Variants in SMPDL3B observed in about 807,000 individuals in gnomAD.
SMPDL3B encodes the protein sphingomyelin phosphodiesterase acid like 3B.
Under a neutral mutation model 37.9 loss-of-function variants are expected in SMPDL3B, and 31 were observed. That is an observed-to-expected ratio of 0.82 (90% CI 0.61 to 1.10). The LOEUF is 1.10. SMPDL3B is among the 50% of genes least tolerant of loss of function. The pLI, the probability that SMPDL3B is intolerant of heterozygous loss-of-function variation, is 0.00. For synonymous variants in SMPDL3B, 235 were observed against 242.6 expected (o/e 0.97, Z 0.29); for missense variants, 525 against 597.8 (o/e 0.88, Z 1.27).
intron 2 of SMPDL3B, among the ~76,000 whole-genome samples, chr1:27,946,697 C>T (rs116449059): frequency 1.3e-5 from 2 of 152,260 alleles, no homozygotes; most frequent in South Asian, 2.1e-4. Flanking sequence ...TCTGACTTTG[C>T]GCTCCCTCTA....
At chr1:27,948,237 G>T (rs1374948608) in intron 2 of SMPDL3B, among the ~76,000 whole-genome samples, 1 of 152,128 alleles carries the variant, frequency 6.6e-6, no homozygotes. Context: ...ACTAATAATA[G>T]AATTTACATT....
In SMPDL3B at chr1:27,945,376, C is replaced by A. The variant is rs2090398182; in HGVS notation, c.206C>A (p.Ala69Asp). The A allele has an allele frequency of 6.2e-7, 1 of 1,614,152 alleles. No homozygotes were observed. Among genetic ancestry groups the A allele is most frequent in the Non-Finnish European group, 8.5e-7 (1 of 1,180,012 alleles). Residue 69 changes from alanine to aspartate, a missense_variant, in exon 2 of 8, where the codon GCC (alanine) becomes GAC (aspartate). Physicochemically the swap from Ala to Asp is moderately radical, Grantham distance 126. Coordinates refer to ENST00000373894, the MANE Select transcript of SMPDL3B (RefSeq NM_014474.4). The surrounding 1 kb of genome is among the most constrained non-coding windows in gnomAD (Gnocchi z 4.0). ...GACTACCTCTGTGATTCTCCCTGGG[C>A]CCTCATCAACTCCTCCATCTATGCC... ...WGDYLCDSPW[A>D]LINSSIYAMK...
At position 27,958,356 on chromosome 1, in the gene SMPDL3B, C is replaced by G. The variant is rs1638356498; in HGVS notation, c.1006-120C>G. 1 of 1,343,844 alleles carries G rather than the reference C, an allele frequency of 7.4e-7. No homozygotes were observed. Among genetic ancestry groups the G allele is most frequent in the Non-Finnish European group, 1.0e-6 (1 of 987,236 alleles). 83.2% of individuals were successfully genotyped at this position (1,343,844 alleles called of 1,614,324 possible). ...CACAATGGGTGCACAGCTAAGTGCTCAATAACTACTAGTGGTCATGGTCAC... is the reference window on the plus strand; with the variant it reads ...CACAATGGGTGCACAGCTAAGTGCTGAATAACTACTAGTGGTCATGGTCAC... On this transcript the variant is annotated intron_variant, in intron 7 of 7. Coordinates refer to ENST00000373894, the MANE Select transcript of SMPDL3B (RefSeq NM_014474.4). The surrounding 1 kb of genome is among the most constrained non-coding windows in gnomAD (Gnocchi z 5.6).
intron 2 of SMPDL3B, among the ~76,000 whole-genome samples, chr1:27,946,667 C>T (rs1395540588): frequency 3.3e-5 from 5 of 152,136 alleles, no homozygotes; most frequent in African/African-American, 4.8e-5. Context: ...GGGGAGCTCT[C>T]GAGGAAGGCT....
Position 27,958,069 on chromosome 1 carries a change from C to G in SMPDL3B, c.1006-407C>G, listed in dbSNP as rs953652925. Reference sequence around the variant, plus strand: ...CCTAGGAGTCTACAGTTCATAATCTCTCTCATGCTTAGTGTTGCTCTTTTT... The same window carrying G: ...CCTAGGAGTCTACAGTTCATAATCTGTCTCATGCTTAGTGTTGCTCTTTTT... On this transcript the variant is annotated intron_variant, in intron 7 of 7. Transcript: ENST00000373894. This position sits in a 1 kb window ranked among gnomAD's most constrained non-coding sequence, Gnocchi z 5.6. 6.6e-6 allele frequency among the ~76,000 whole-genome samples: 1 copy of G among 152,176 alleles called. No homozygotes were observed. Among genetic ancestry groups the G allele is most frequent in the Non-Finnish European group, 1.5e-5 (1 of 68,032 alleles).
At chr1:27,946,886 G>A (rs1265377446) in intron 2 of SMPDL3B, among the ~76,000 whole-genome samples, 4 of 152,204 alleles carry the variant, frequency 2.6e-5, no homozygotes, top group Admixed American at 6.5e-5. Flanking sequence ...CTTGGGCTCA[G>A]GAATCAATCT....
chr1:27,946,534 G>A (rs1162329896), intron 2 of SMPDL3B, among the ~76,000 whole-genome samples: 2 of 152,092 alleles, frequency 1.3e-5, no homozygotes, highest in African/African-American at 4.8e-5. Flanking sequence ...CAAACCCATT[G>A]ACCCTACCCT....
rs1385955171 is a variant in SMPDL3B, at chr1:27,945,282, T to G, written c.112T>G (p.Ser38Ala). The change falls in exon 2 of 8, where the codon TCC becomes GCC. Residue 38 changes from serine (S) to alanine (A), a missense_variant. By Grantham distance (99) the Ser-to-Ala change is moderately conservative. Transcript: ENST00000373894. This position sits in a 1 kb window ranked among gnomAD's most constrained non-coding sequence, Gnocchi z 4.0. ...DLHLDPDYKV[S>A]KDPFQVCPSA... ...GCACCTTGACCCTGACTACAAGGTA[T>G]CCAAAGACCCCTTCCAGGTGTGCCC... The G allele has an allele frequency of 2.5e-6, 4 of 1,614,036 alleles. No homozygotes were observed. The highest frequency in any genetic ancestry group is 3.4e-6 in the Non-Finnish European group (4 of 1,180,024).
chr1:27,951,785 G>T (rs779254392), intron 3 of SMPDL3B, among the ~76,000 whole-genome samples: 11 of 152,180 alleles, frequency 7.2e-5, no homozygotes, highest in Non-Finnish European at 1.5e-4. Context: ...GGAATTTGAG[G>T]TTACAATGAG....
In SMPDL3B at chr1:27,958,687, A is replaced by G; in HGVS notation, c.1217A>G (p.Asp406Gly). The change falls in exon 8 of 8, where the codon GAC becomes GGC. Residue 406 changes from aspartate (D) to glycine (G), a missense_variant. Physicochemically the swap from Asp to Gly is moderately conservative, Grantham distance 94. Transcript: ENST00000373894. This position sits in a 1 kb window ranked among gnomAD's most constrained non-coding sequence, Gnocchi z 5.6. ...NSVSYSAGVC[D>G]EACSMQHVCA... Reference sequence around the variant, plus strand: ...GTCAGCTACTCTGCTGGGGTCTGCGACGAGGCCTGCAGCATGCAGCACGTG... The same window carrying G: ...GTCAGCTACTCTGCTGGGGTCTGCGGCGAGGCCTGCAGCATGCAGCACGTG... The G allele has an allele frequency of 6.2e-7, 1 of 1,613,944 alleles. No homozygotes were observed. Among genetic ancestry groups the G allele is most frequent in the Non-Finnish European group, 8.5e-7 (1 of 1,180,026 alleles).
chr1:27,942,185 A>G, intron 1 of SMPDL3B: 1 of 398,516 alleles, frequency 2.5e-6, no homozygotes. Flanking sequence ...TTGAGGGCTG[A>G]CGTCAAAGGG....
intron 1 of SMPDL3B, 148 bp downstream of exon 1, chr1:27,935,392 C>T: frequency 3.3e-6 from 2 of 608,240 alleles, no homozygotes; most frequent in Non-Finnish European, 5.8e-6. Context: ...GCTAGTGGGC[C>T]TTAGCAAGTG....
rs2090399707 is a variant in SMPDL3B, at chr1:27,945,508, C to A, written c.275+63C>A. 1.5e-6 allele frequency: 2 copies of A among 1,339,510 alleles called. No homozygotes were observed. Among genetic ancestry groups the A allele is most frequent in the Non-Finnish European group, 2.1e-6 (2 of 939,554 alleles). 83.0% of individuals were successfully genotyped at this position (1,339,510 alleles called of 1,614,324 possible). On this transcript the variant is annotated intron_variant, in intron 2 of 7. Coordinates refer to ENST00000373894, the MANE Select transcript of SMPDL3B (RefSeq NM_014474.4). This position sits in a 1 kb window ranked among gnomAD's most constrained non-coding sequence, Gnocchi z 4.0. ...CATCTGCTATGTGCTACATACCAGT[C>A]TGGCCCTTTGCCCACATTATCTCCC...
At chr1:27,936,970 G>A (rs540999203) in intron 1 of SMPDL3B, among the ~76,000 whole-genome samples, 2 of 152,248 alleles carry the variant, frequency 1.3e-5, no homozygotes, top group South Asian at 2.1e-4. Flanking sequence ...GCAGTGAGCC[G>A]AGATTGCACC....
In SMPDL3B at chr1:27,936,946, G is replaced by A. The variant is rs2090313268; in HGVS notation, c.61+1702G>A. Among the ~76,000 whole-genome samples, 4 of 152,282 alleles carry A rather than the reference G, an allele frequency of 2.6e-5. No individual in the cohort carries two copies. In the South Asian group the frequency reaches 8.3e-4, roughly 32 times the overall value. On this transcript the variant is annotated intron_variant, in intron 1 of 7. Coordinates refer to ENST00000373894, the MANE Select transcript of SMPDL3B (RefSeq NM_014474.4). ...TGAAGCAGGAGAATGGGGTAAACCC[G>A]GGAGGTGGAGCTTGCAGTGAGCCGA...
intron 1 of SMPDL3B, among the ~76,000 whole-genome samples, chr1:27,942,735 C>T (rs1275171132): frequency 6.6e-6 from 1 of 151,950 alleles, no homozygotes; most frequent in Non-Finnish European, 1.5e-5. Context: ...ACAATCTCGG[C>T]TCACTGCAAC....
intron 7 of SMPDL3B, among the ~76,000 whole-genome samples, chr1:27,956,949 C>T (rs114257992): frequency 1.3e-5 from 2 of 151,724 alleles, no homozygotes; most frequent in Admixed American, 1.3e-4. Flanking sequence ...GTGGAGGGAA[C>T]AGCAAGTCAA....
rs765405673 is a variant in SMPDL3B, at chr1:27,953,264, C to G, written c.423C>G (p.Asn141Lys). Residue 141 changes from asparagine (N) to lysine (K), a missense_variant, in exon 4 of 8, where the codon AAC (asparagine) becomes AAG (lysine). Transcript: ENST00000373894. ...ALGNHDFHPK[N>K]QFPAGSNNIY... is the part of the protein sequence containing the mutation. ...GAAATCATGATTTTCACCCCAAAAA[C>G]CAGTTCCCAGCTGGAAGTAACAACA... 23 of 1,613,504 alleles carry G rather than the reference C, an allele frequency of 1.4e-5. No individual in the cohort carries two copies. In the African/African-American group the frequency reaches 2.1e-4, roughly 15 times the overall value.
chr1:27,942,502 A>G (rs1057052148), intron 1 of SMPDL3B: 3 of 374,952 alleles, frequency 8.0e-6, no homozygotes, highest in South Asian at 2.0e-5. Flanking sequence ...TTTTTTTGAG[A>G]CAGTCTTGCT....
Sources: allele counts gnomAD v4.1 joint callset (sites outside exome capture counted in the v4.1 genomes callset), GRCh38; gene constraint gnomAD v4.1.1; non-coding constraint Gnocchi (gnomAD v3.1); transcripts MANE v1.5; gene names NCBI Gene and HGNC (gene_info 2026-07-23, HGNC 2026-07-21).